The following R3HDM1 variants were observed in gnomAD, a reference collection of about 807,000 sequenced individuals.
R3HDM1 encodes the protein R3H domain-containing protein 1.
Under a neutral mutation model 141.1 loss-of-function variants are expected in R3HDM1, and 46 were observed. The observed-to-expected ratio is 0.33, with a 90% CI of 0.26 to 0.42. The LOEUF (loss-of-function observed/expected upper bound fraction) is 0.42, where lower values mean the gene tolerates loss of function less well. R3HDM1 is among the 10% of genes least tolerant of loss of function. The probability of loss-of-function intolerance (pLI) is 1.00; values close to 1 mark genes in which losing one functional copy is unlikely to be tolerated. For synonymous variants in R3HDM1, 435 were observed against 472.9 expected (o/e 0.92, Z 1.04); for missense variants, 1,184 against 1,368.3 (o/e 0.87, Z 2.12).
chr2:135,608,317 A>AAAT (rs146123639), intron 3 of R3HDM1, among the ~76,000 whole-genome samples: 6,191 of 150,610 alleles, frequency 0.041, 420 homozygotes, highest in African/African-American at 0.14. Flanking sequence ...CTCCATCTCA[A>AAAT]AATAATAATA....
At chr2:135,569,355 C>T (rs1390486502) in intron 1 of R3HDM1, among the ~76,000 whole-genome samples, 1 of 151,736 alleles carries the variant, frequency 6.6e-6, no homozygotes, top group African/African-American at 2.4e-5. Flanking sequence ...TGGTGGCGCA[C>T]GCCTGTAGTA....
At chr2:135,598,927 G>T (rs2059404438) in intron 1 of R3HDM1, among the ~76,000 whole-genome samples, 2 of 151,788 alleles carry the variant, frequency 1.3e-5, no homozygotes, top group Non-Finnish European at 2.9e-5. Context: ...TCTGCCTTTT[G>T]TTTATGTTCT....
intron 19 of R3HDM1, chr2:135,665,417 C>T: frequency 1.9e-6 from 1 of 533,220 alleles, no homozygotes; most frequent in Non-Finnish European, 3.9e-6. Flanking sequence ...GATTCGGGGC[C>T]GTAGCACTGT....
chr2:135,675,193 T>C (rs2068972392), intron 19 of R3HDM1, 139 bp from the exon 20 acceptor site: 2 of 810,926 alleles, frequency 2.5e-6, no homozygotes, highest in South Asian at 5.2e-5. Context: ...TGTTATTTCA[T>C]AATAGATGGT....
chr2:135,621,238 C>T lies in R3HDM1; in HGVS notation c.304-256C>T, dbSNP rs564255075. Among the ~76,000 whole-genome samples the T allele has an allele frequency of 7.2e-5, 11 of 152,054 alleles. No individual in the cohort carries two copies. In the East Asian group the frequency reaches 2.1e-3, roughly 29 times the overall value. The stretch of plus-strand genomic sequence containing the variant: ...GATGCACTTAAACTATAATAGAAAA[C>T]ATTTATTTTCTCTATAATGTTGAGG... On this transcript the variant is annotated intron_variant, in intron 5 of 26. Transcript: ENST00000683871.
At position 135,680,650 on chromosome 2, in the gene R3HDM1, A is replaced by G. The variant is rs374414909; in HGVS notation, c.2459+326A>G. On this transcript the variant is annotated intron_variant, in intron 21 of 26. Coordinates refer to ENST00000683871, the MANE Select transcript of R3HDM1 (RefSeq NM_001378107.1). Reference sequence around the variant, plus strand: ...CTGGGCAAGGTGGCGTACGCCTGTGATCGCAACTGCTCGGGAGGCTGAGGC... The same window carrying G: ...CTGGGCAAGGTGGCGTACGCCTGTGGTCGCAACTGCTCGGGAGGCTGAGGC... Among the ~76,000 whole-genome samples the G allele has an allele frequency of 7.2e-5, 11 of 152,312 alleles. No individual in the cohort carries two copies. The East Asian group carries it at 7.7e-4, about 11-fold the overall frequency.
intron 1 of R3HDM1, among the ~76,000 whole-genome samples, chr2:135,560,526 A>G (rs1573807091): frequency 6.6e-6 from 1 of 152,036 alleles, no homozygotes; most frequent in African/African-American, 2.4e-5. Context: ...GTTGACCAGG[A>G]TGGTCTCAAT....
intron 1 of R3HDM1, among the ~76,000 whole-genome samples, chr2:135,582,119 G>A (rs923972360): frequency 6.6e-6 from 1 of 152,162 alleles, no homozygotes. Flanking sequence ...CCTGAGGTCA[G>A]GAATTCGTTA....
At chr2:135,536,028 A>T (rs1051699989) in intron 1 of R3HDM1, among the ~76,000 whole-genome samples, 1 of 152,054 alleles carries the variant, frequency 6.6e-6, no homozygotes, top group African/African-American at 2.4e-5. Context: ...ATAGTTTATG[A>T]TCTTTTTTCC....
At chr2:135,650,510 G>C (rs1218713936) in intron 17 of R3HDM1, 20 of 982,548 alleles carry the variant, frequency 2.0e-5, no homozygotes, top group Non-Finnish European at 2.3e-5. Flanking sequence ...TCTATCCAAA[G>C]TATGCCCCAA....
intron 18 of R3HDM1, among the ~76,000 whole-genome samples, chr2:135,653,733 T>C (rs1385579168): frequency 6.6e-6 from 1 of 152,186 alleles, no homozygotes; most frequent in East Asian, 1.9e-4. Context: ...GGCTTATGCC[T>C]GTAATCCCAA....
chr2:135,576,967 T>G (rs1705586258), intron 1 of R3HDM1: 3 of 435,552 alleles, frequency 6.9e-6, no homozygotes, highest in Non-Finnish European at 9.1e-6. Flanking sequence ...TAAAAGCCAC[T>G]GAACAAGACA....
At chr2:135,564,902 A>G (rs72988424) in intron 1 of R3HDM1, among the ~76,000 whole-genome samples, 24,707 of 152,136 alleles carry the variant, frequency 0.16, 5,529 homozygotes, top group African/African-American at 0.51. Context: ...AAATGGATAA[A>G]GTATTCCTTT....
rs544663630 is a variant in R3HDM1, at chr2:135,674,960, G to C, written c.2153-372G>C. ...GTTGTTTTTTTTTTTTTTTAACAAA[G>C]GGCCCTACATATTTTCCATTTACTC... is the stretch of plus-strand genomic sequence containing the variant. On this transcript the variant is annotated intron_variant, in intron 19 of 26. Transcript: ENST00000683871. Among the ~76,000 whole-genome samples the C allele has an allele frequency of 2.0e-5, 3 of 150,210 alleles. No individual in the cohort carries two copies. The South Asian group carries it at 6.3e-4, about 32-fold the overall frequency.
chr2:135,532,662 A>T (rs1304421556), intron 1 of R3HDM1, among the ~76,000 whole-genome samples: 1 of 152,190 alleles, frequency 6.6e-6, no homozygotes, highest in Non-Finnish European at 1.5e-5. Context: ...CTTTTAAATG[A>T]AAAGATGATT....
chr2:135,710,996 T>G (rs878954176), intron 23 of R3HDM1, among the ~76,000 whole-genome samples: 2 of 152,190 alleles, frequency 1.3e-5, no homozygotes, highest in Admixed American at 1.3e-4. Flanking sequence ...GTATTTTAAA[T>G]GGATGAATTA....
intron 2 of R3HDM1, among the ~76,000 whole-genome samples, chr2:135,603,568 GA>G (rs2059799842): frequency 6.6e-6 from 1 of 151,880 alleles, no homozygotes; most frequent in South Asian, 2.1e-4. Context: ...ATGCATTTCA[GA>G]ATAAGTTGTT....
intron 7 of R3HDM1, among the ~76,000 whole-genome samples, chr2:135,625,626 T>C (rs374389127): frequency 7.9e-5 from 12 of 152,234 alleles, no homozygotes; most frequent in Middle Eastern, 3.4e-3. Context: ...CTTCAAGATA[T>C]CAGATTAGGC....
chr2:135,587,025 A>C, intron 1 of R3HDM1: 1 of 971,772 alleles, frequency 1.0e-6, no homozygotes. Flanking sequence ...GAAGAGGTAG[A>C]ATAATTTTTA....
Sources: allele counts gnomAD v4.1 joint callset (sites outside exome capture counted in the v4.1 genomes callset), GRCh38; gene constraint gnomAD v4.1.1; transcripts MANE v1.5; gene names NCBI Gene and HGNC (gene_info 2026-07-23, HGNC 2026-07-21).